PDE9A: variants seen among roughly 807,000 people sequenced by gnomAD.
PDE9A encodes phosphodiesterase 9A.
Under a neutral mutation model 87.4 loss-of-function variants are expected in PDE9A, and 60 were observed. The observed-to-expected ratio is 0.69, with a 90% CI of 0.56 to 0.85. The LOEUF is 0.85. Ranked by LOEUF, PDE9A falls within the 40% of genes least tolerant of loss-of-function variation. The pLI is 0.00. For missense variants in PDE9A, 665 were observed against 779.0 expected, an observed-to-expected ratio of 0.85 and a Z score of 1.74; for synonymous variants, 272 against 279.4, an observed-to-expected ratio of 0.97 and a Z score of 0.27.
chr21:42,773,800 C>CA (rs1395053687), intron 19 of PDE9A, among the ~76,000 whole-genome samples: 1 of 150,718 alleles, frequency 6.6e-6, no homozygotes, highest in African/African-American at 2.4e-5. Context: ...GACTTCGTCT[C>CA]AAAAAATAAA....
At chr21:42,768,321 C>T (rs2056600045) in intron 16 of PDE9A, 29 bp downstream of exon 16, 1 of 1,364,510 alleles carries the variant, frequency 7.3e-7, no homozygotes. Context: ...AATCAAGCCT[C>T]CAGCCACTCT....
Position 42,760,834 on chromosome 21 carries a change from T to C in PDE9A, c.1012T>C (p.Ser338Pro). ...CTGTTTTCCAATCCAGGAGAAGTTCTCACAAACGGATATCCTGATCCTAAT... is the reference window on the plus strand; with the variant it reads ...CTGTTTTCCAATCCAGGAGAAGTTCCCACAAACGGATATCCTGATCCTAAT... The part of the protein sequence containing the change: ...VWLCSLQEKF[S>P]QTDILILMTA... Residue 338 changes from serine to proline, a missense_variant, in exon 13 of 20, where the codon TCA becomes CCA. Physicochemically the swap from Ser to Pro is moderately conservative, Grantham distance 74. Transcript: ENST00000291539. The surrounding 1 kb of genome is among the most constrained non-coding windows in gnomAD (Gnocchi z 5.2). 1.2e-6 allele frequency: 2 copies of C among 1,607,766 alleles called. No homozygotes were observed. Among genetic ancestry groups the C allele is most frequent in the Non-Finnish European group, 1.7e-6 (2 of 1,174,488 alleles).
chr21:42,767,479 C>T (rs553554538), intron 15 of PDE9A, among the ~76,000 whole-genome samples: 2 of 151,610 alleles, frequency 1.3e-5, no homozygotes, highest in Non-Finnish European at 2.9e-5. Flanking sequence ...AGGATCCCTT[C>T]GAGGTCCTGC....
chr21:42,768,918 G>C (rs1042122027), intron 16 of PDE9A, 109 bp from the exon 17 acceptor site: 2 of 1,508,978 alleles, frequency 1.3e-6, no homozygotes, highest in African/African-American at 2.8e-5. Flanking sequence ...TTGTGGTGTG[G>C]TTTGGTTGGT....
chr21:42,753,155 T>A (rs990134943), intron 9 of PDE9A, among the ~76,000 whole-genome samples: 5 of 152,168 alleles, frequency 3.3e-5, no homozygotes, highest in Admixed American at 6.5e-5. Flanking sequence ...TACAGGCACC[T>A]GCCATCATGC....
intron 1 of PDE9A, among the ~76,000 whole-genome samples, chr21:42,662,873 CCACACACAG>C (rs1448819603): frequency 6.9e-6 from 1 of 145,018 alleles, no homozygotes; most frequent in Non-Finnish European, 1.5e-5. Flanking sequence ...CACGTACACA[CCACACACAG>C]CACACACAAA....
chr21:42,744,022 G>A (rs906939228), intron 8 of PDE9A, among the ~76,000 whole-genome samples, 162 bp downstream of exon 8: 10 of 152,178 alleles, frequency 6.6e-5, no homozygotes, highest in Non-Finnish European at 1.3e-4. Context: ...CCCTGCTTGC[G>A]ACCTGCTTGT....
intron 4 of PDE9A, among the ~76,000 whole-genome samples, chr21:42,728,064 G>A (rs1169366355): frequency 6.6e-6 from 1 of 152,164 alleles, no homozygotes; most frequent in African/African-American, 2.4e-5. Context: ...CCGCTGATCA[G>A]AAATGTTTTA....
intron 4 of PDE9A, among the ~76,000 whole-genome samples, chr21:42,710,200 G>A (rs954099960): frequency 6.6e-6 from 1 of 152,036 alleles, no homozygotes; most frequent in Non-Finnish European, 1.5e-5. Context: ...TTGAGGTCAG[G>A]AGTTCGAGAC....
chr21:42,684,068 C>A (rs539420536), intron 1 of PDE9A, among the ~76,000 whole-genome samples: 310 of 152,348 alleles, frequency 2.0e-3, no homozygotes, highest in Non-Finnish European at 3.8e-3. Context: ...ATCCAAGAAA[C>A]CCAATAGAAG....
chr21:42,765,917 C>T (rs2284974), intron 15 of PDE9A, among the ~76,000 whole-genome samples: 74,815 of 151,736 alleles, frequency 0.49, 19,542 homozygotes, highest in African/African-American at 0.68. Flanking sequence ...CACCATAGCC[C>T]AGCACCCCTC....
intron 1 of PDE9A, among the ~76,000 whole-genome samples, chr21:42,679,247 C>T (rs1186972250): frequency 6.6e-6 from 1 of 152,188 alleles, no homozygotes; most frequent in Non-Finnish European, 1.5e-5. Context: ...GGCATCGAGT[C>T]TGTGTCCTAT....
chr21:42,669,791 G>A (rs1034639145), intron 1 of PDE9A, among the ~76,000 whole-genome samples: 1 of 152,150 alleles, frequency 6.6e-6, no homozygotes, highest in Admixed American at 6.5e-5. Flanking sequence ...TGGTCTCCAT[G>A]CTGCTGCTCA....
At chr21:42,746,131 C>T (rs530356131) in intron 8 of PDE9A, among the ~76,000 whole-genome samples, 4 of 152,326 alleles carry the variant, frequency 2.6e-5, no homozygotes. Flanking sequence ...TTGCCTCTGC[C>T]GTGCCTGATG....
chr21:42,679,365 C>G (rs2059031569), intron 1 of PDE9A, among the ~76,000 whole-genome samples: 1 of 141,558 alleles, frequency 7.1e-6, no homozygotes, highest in African/African-American at 2.5e-5. Context: ...ACACTGAAAT[C>G]ACGCCTCGCG....
chr21:42,751,056 T>C, intron 8 of PDE9A, 60 bp from the exon 9 acceptor site: 1 of 1,110,240 alleles, frequency 9.0e-7, no homozygotes. Context: ...TTTGCTGTGC[T>C]GAGGGCTTCA....
At chr21:42,670,112 T>C (rs1348231801) in intron 1 of PDE9A, among the ~76,000 whole-genome samples, 3 of 151,570 alleles carry the variant, frequency 2.0e-5, no homozygotes, top group African/African-American at 7.3e-5. Flanking sequence ...CACATATGCT[T>C]ACACACATTC....
intron 7 of PDE9A, among the ~76,000 whole-genome samples, chr21:42,742,032 T>C (rs1335170836): frequency 6.6e-6 from 1 of 152,216 alleles, no homozygotes; most frequent in Non-Finnish European, 1.5e-5. Flanking sequence ...TGAAAAGCCG[T>C]GCAAAGCTGC....
At chr21:42,697,847 T>C (rs1003247606) in intron 3 of PDE9A, among the ~76,000 whole-genome samples, 4 of 152,136 alleles carry the variant, frequency 2.6e-5, no homozygotes. Flanking sequence ...CTTCATTATA[T>C]GAATTTGGGG....
Sources: allele counts gnomAD v4.1 joint callset (sites outside exome capture counted in the v4.1 genomes callset), GRCh38; gene constraint gnomAD v4.1.1; non-coding constraint Gnocchi (gnomAD v3.1); transcripts MANE v1.5; gene names NCBI Gene and HGNC (gene_info 2026-07-23, HGNC 2026-07-21).